Variants in SHLD1 observed in about 807,000 individuals in gnomAD.
SHLD1 encodes shieldin complex subunit 1, also known as RINN1-REV7-interacting novel NHEJ regulator 3.
Under a neutral mutation model 5.5 loss-of-function variants are expected in SHLD1, and 3 were observed. The ratio of observed to expected loss-of-function variants is 0.54; its 90% CI spans 0.25 to 1.40. SHLD1 has a LOEUF of 1.40. SHLD1 is among the 40% of genes most tolerant of loss of function. SHLD1 has a pLI of 0.15. For missense variants in SHLD1, 210 were observed against 244.4 expected, an observed-to-expected ratio of 0.86 and a Z score of 0.94; for synonymous variants, 92 against 94.3, an observed-to-expected ratio of 0.98 and a Z score of 0.14.
intron 2 of SHLD1, among the ~76,000 whole-genome samples, chr20:5,809,148 A>C (rs1300383049): frequency 2.6e-5 from 4 of 152,114 alleles, no homozygotes; most frequent in African/African-American, 9.7e-5. Context: ...CCATGCTCAT[A>C]AGTGATGAAA....
chr20:5,793,726 A>AT (rs1261743451), intron 2 of SHLD1, among the ~76,000 whole-genome samples: 3 of 151,470 alleles, frequency 2.0e-5, no homozygotes, highest in Admixed American at 6.6e-5. Flanking sequence ...TCTCTCTGGT[A>AT]TTTTTTTTCT....
chr20:5,811,857 G>GAGA (rs1452695277), intron 2 of SHLD1, among the ~76,000 whole-genome samples: 1 of 144,524 alleles, frequency 6.9e-6, no homozygotes, highest in African/African-American at 2.6e-5. Flanking sequence ...CTGTGTCTCT[G>GAGA]AAAAAAAAAA....
intron 2 of SHLD1, among the ~76,000 whole-genome samples, chr20:5,803,896 A>C (rs1033791644): frequency 1.3e-4 from 19 of 142,186 alleles, no homozygotes; most frequent in Middle Eastern, 3.5e-3. Context: ...ATTAAAAAAA[A>C]AAAACAAAAC....
At chr20:5,809,927 G>A (rs2087435059) in intron 2 of SHLD1, among the ~76,000 whole-genome samples, 1 of 151,924 alleles carries the variant, frequency 6.6e-6, no homozygotes, top group Admixed American at 6.6e-5. Flanking sequence ...CAGTTTTCTG[G>A]CATATCTAGT....
chr20:5,772,091 G>A (rs1172037687), intron 1 of SHLD1: 4 of 420,294 alleles, frequency 9.5e-6, no homozygotes, highest in Non-Finnish European at 1.9e-5. Context: ...GGCCAGGCTG[G>A]TCTTGAACTC....
At chr20:5,750,765 C>T (rs1482891808) in intron 1 of SHLD1, among the ~76,000 whole-genome samples, 3 of 151,634 alleles carry the variant, frequency 2.0e-5, no homozygotes, top group Non-Finnish European at 2.9e-5. Context: ...GCTAAAAAAC[C>T]AACAAACAAA....
chr20:5,767,975 CT>C (rs71197793), intron 1 of SHLD1, among the ~76,000 whole-genome samples: 5,979 of 134,602 alleles, frequency 0.044, 144 homozygotes, highest in African/African-American at 0.089. Context: ...GTGACGAATT[CT>C]TTTTTTTTTT....
intron 2 of SHLD1, among the ~76,000 whole-genome samples, chr20:5,860,382 T>C (rs1699239): frequency 0.76 from 115,280 of 151,998 alleles, 44,286 homozygotes; most frequent in African/African-American, 0.89. Flanking sequence ...AGCCCTTTTT[T>C]ATGAATTATT....
At chr20:5,778,610 A>G (rs1454988613) in intron 2 of SHLD1, among the ~76,000 whole-genome samples, 4 of 151,792 alleles carry the variant, frequency 2.6e-5, no homozygotes, top group Admixed American at 6.6e-5. Flanking sequence ...TTGTCAAAAA[A>G]AAAAAAAAAA....
chr20:5,775,520 G>A (rs1985382026), intron 2 of SHLD1, among the ~76,000 whole-genome samples: 1 of 152,178 alleles, frequency 6.6e-6, no homozygotes, highest in Non-Finnish European at 1.5e-5. Context: ...TAAGGAGCAT[G>A]TTGAAATATT....
At chr20:5,798,835 G>A (rs1291640981) in intron 2 of SHLD1, among the ~76,000 whole-genome samples, 1 of 151,862 alleles carries the variant, frequency 6.6e-6, no homozygotes, top group African/African-American at 2.4e-5. Context: ...AGCCAGGATG[G>A]TCTCGATCTC....
intron 2 of SHLD1, among the ~76,000 whole-genome samples, chr20:5,773,896 T>G (rs73594821): frequency 1.4e-4 from 22 of 152,186 alleles, no homozygotes; most frequent in Non-Finnish European, 1.5e-4. Flanking sequence ...TCAATGTTGT[T>G]GTCGTTAATA....
intron 2 of SHLD1, among the ~76,000 whole-genome samples, chr20:5,797,404 T>C (rs1002432240): frequency 2.0e-5 from 3 of 152,084 alleles, no homozygotes; most frequent in South Asian, 4.2e-4. Context: ...CTACAAAATA[T>C]AAACAAAATA....
At chr20:5,759,481 G>A (rs750654727) in intron 1 of SHLD1, among the ~76,000 whole-genome samples, 36 of 151,678 alleles carry the variant, frequency 2.4e-4, no homozygotes, top group Middle Eastern at 3.4e-3. Flanking sequence ...GGCTGGTCTC[G>A]AACTTCTGGC....
At position 5,801,346 on chromosome 20, in the gene SHLD1, G is replaced by A. The variant is rs919038414; in HGVS notation, c.178+28303G>A. ...CCACTTCCGCCTCCCAAAGTGCTGC[G>A]ATTATAGGCATGAGCCACCATGCCT... On this transcript the variant is annotated intron_variant, in intron 2 of 2. Transcript: ENST00000303142. Among the ~76,000 whole-genome samples the A allele has an allele frequency of 4.6e-5, 7 of 152,160 alleles. No homozygotes were observed. In the South Asian group the frequency reaches 6.2e-4, roughly 14 times the overall value.
chr20:5,802,933 A>G (rs2087316272), intron 2 of SHLD1, among the ~76,000 whole-genome samples: 1 of 152,222 alleles, frequency 6.6e-6, no homozygotes, highest in South Asian at 2.1e-4. Context: ...CACTCACTGC[A>G]GGGCCAGGAC....
intron 2 of SHLD1, among the ~76,000 whole-genome samples, chr20:5,851,950 C>T (rs1028482925): frequency 6.6e-6 from 1 of 151,782 alleles, no homozygotes; most frequent in African/African-American, 2.4e-5. Flanking sequence ...GTGCTGTCCT[C>T]GAAATAGTGA....
intron 2 of SHLD1, among the ~76,000 whole-genome samples, chr20:5,785,178 T>C (rs1365202560): frequency 6.6e-6 from 1 of 152,260 alleles, no homozygotes; most frequent in Admixed American, 6.5e-5. Context: ...TTCATTGTTA[T>C]GTATTTATGA....
intron 2 of SHLD1, among the ~76,000 whole-genome samples, chr20:5,847,291 G>A (rs943853580): frequency 4.6e-5 from 7 of 152,238 alleles, no homozygotes; most frequent in African/African-American, 1.7e-4. Flanking sequence ...CCTGCTCTTG[G>A]ATCCAGCTTG....
Sources: gnomAD v4.1 joint callset for allele counts (sites outside exome capture counted in the v4.1 genomes callset) on GRCh38, gnomAD v4.1.1 for gene constraint, MANE v1.5 for transcripts, NCBI Gene and HGNC (gene_info 2026-07-23, HGNC 2026-07-21) for gene names.